Variants in UBAP2 observed in about 807,000 individuals in gnomAD.
UBAP2 encodes ubiquitin associated protein 2, also known as ubiquitin-associated protein 2.
In UBAP2, 75 loss-of-function variants were observed where a neutral mutation model predicts 139.6. The ratio of observed to expected loss-of-function variants is 0.54; its 90% CI spans 0.45 to 0.65. UBAP2 has a LOEUF of 0.65. Ranked by LOEUF, UBAP2 falls within the 30% of genes least tolerant of loss-of-function variation. The pLI is 0.00. For synonymous variants in UBAP2, 526 were observed against 526.2 expected (o/e 1.00, Z 0.01); for missense variants, 1,368 against 1,369.6 (o/e 1.00, Z 0.02).
intron 6 of UBAP2, among the ~76,000 whole-genome samples, chr9:33,974,696 A>T (rs923446991): frequency 6.6e-6 from 1 of 152,208 alleles, no homozygotes; most frequent in Non-Finnish European, 1.5e-5. Context: ...TCATGCCTGT[A>T]ATCCCAGCAC....
chr9:33,952,901 G>A lies in UBAP2; in HGVS notation c.1056+384C>T, dbSNP rs566640619. On this transcript the variant is annotated intron_variant, in intron 12 of 28. Coordinates refer to ENST00000379238, the MANE Select transcript of UBAP2 (RefSeq NM_001370062.2). ...TGTTTTGTTTTAGAGACAGGGTCTC[G>A]CTCTGTCACCCAGCCTGGAGTACAG... 2.6e-5 allele frequency: 4 copies of A among 155,312 alleles called. No individual in the cohort carries two copies. In the South Asian group the frequency reaches 6.1e-4, roughly 23 times the overall value. 9.6% of individuals were successfully genotyped at this position (155,312 alleles called of 1,614,324 possible). A position where few individuals can be genotyped will look rare whatever the true frequency, so the allele number is the denominator to read the frequency against.
intron 6 of UBAP2, among the ~76,000 whole-genome samples, chr9:33,984,902 G>A (rs1821073894): frequency 6.6e-6 from 1 of 152,140 alleles, no homozygotes; most frequent in Non-Finnish European, 1.5e-5. Flanking sequence ...CTGAACCCAG[G>A]AGTTCAAGAC....
intron 17 of UBAP2, chr9:33,934,127 A>G (rs1307896723): frequency 6.2e-6 from 1 of 161,902 alleles, no homozygotes; most frequent in African/African-American, 2.4e-5. Flanking sequence ...GTTGATGCCT[A>G]TGTTGTGGAG....
intron 5 of UBAP2, among the ~76,000 whole-genome samples, chr9:33,988,312 A>T (rs942274137): frequency 7.9e-5 from 12 of 152,218 alleles, no homozygotes; most frequent in African/African-American, 2.9e-4. Flanking sequence ...GGAATATATG[A>T]GACAGCAAGA....
intron 20 of UBAP2, 45 bp from the exon 21 acceptor site, chr9:33,927,125 AGAGT>A (rs766649962): frequency 2.9e-5 from 42 of 1,464,178 alleles, no homozygotes; most frequent in African/African-American, 1.5e-4. Context: ...GTCACCACAA[AGAGT>A]GAGAGTCCTC....
chr9:34,039,082 G>A (rs1432194275), intron 1 of UBAP2, among the ~76,000 whole-genome samples: 6 of 150,554 alleles, frequency 4.0e-5, no homozygotes, highest in Admixed American at 1.3e-4. Context: ...CCCTCCGCCC[G>A]GCAGCCACCC....
At chr9:33,996,602 C>T (rs1489236721) in intron 3 of UBAP2, 4 of 340,172 alleles carry the variant, frequency 1.2e-5, no homozygotes, top group Middle Eastern at 8.1e-4. Flanking sequence ...CACACACATA[C>T]GTACCAACAT....
chr9:34,012,938 G>C (rs1823890616), intron 2 of UBAP2, among the ~76,000 whole-genome samples: 1 of 151,458 alleles, frequency 6.6e-6, no homozygotes, highest in African/African-American at 2.4e-5. Flanking sequence ...ATCACCTGAG[G>C]TCAGGAATTC....
chr9:33,962,084 G>A (rs912156500), intron 9 of UBAP2, among the ~76,000 whole-genome samples: 1 of 152,126 alleles, frequency 6.6e-6, no homozygotes, highest in Non-Finnish European at 1.5e-5. Context: ...AGCCAGAATT[G>A]TAAGAGAAAG....
intron 1 of UBAP2, among the ~76,000 whole-genome samples, chr9:34,034,344 T>A (rs1826140527): frequency 1.3e-5 from 2 of 152,218 alleles, no homozygotes; most frequent in African/African-American, 4.8e-5. Context: ...AGTAAAAGTA[T>A]ATTGCTTTTA....
chr9:33,927,294 C>A (rs1048585325), intron 20 of UBAP2, among the ~76,000 whole-genome samples: 1 of 152,152 alleles, frequency 6.6e-6, no homozygotes, highest in African/African-American at 2.4e-5. Flanking sequence ...TCAGAGAGTT[C>A]CGGGCCCAGA....
chr9:33,993,564 C>T (rs1389394749), intron 4 of UBAP2, among the ~76,000 whole-genome samples: 2 of 152,102 alleles, frequency 1.3e-5, no homozygotes, highest in Non-Finnish European at 2.9e-5. Context: ...CCCGGCTACT[C>T]GGCAGGCTGG....
intron 1 of UBAP2, among the ~76,000 whole-genome samples, chr9:34,028,580 A>G (rs968820332): frequency 6.6e-6 from 1 of 151,694 alleles, no homozygotes; most frequent in African/African-American, 2.4e-5. Context: ...GGGGTTCACC[A>G]TGTTGGCCAG....
intron 13 of UBAP2, among the ~76,000 whole-genome samples, chr9:33,947,794 C>CA (rs1178148526): frequency 2.0e-5 from 3 of 150,516 alleles, no homozygotes; most frequent in African/African-American, 7.4e-5. Flanking sequence ...CACTGTACTC[C>CA]AGCCTGTGCA....
intron 10 of UBAP2, among the ~76,000 whole-genome samples, chr9:33,959,897 T>A (rs1332242335): frequency 6.6e-6 from 1 of 151,970 alleles, no homozygotes; most frequent in African/African-American, 2.4e-5. Flanking sequence ...AAAACACAGA[T>A]AAGCTTAAAA....
rs764075842 is a variant in UBAP2, at chr9:33,944,505, T to C, written c.1405A>G (p.Thr469Ala). The C allele has an allele frequency of 5.0e-6, 8 of 1,613,916 alleles. No individual in the cohort carries two copies. Among genetic ancestry groups the C allele is most frequent in the African/African-American group, 4.0e-5 (3 of 74,858 alleles). Residue 469 changes from threonine to alanine, a missense_variant, in exon 14 of 29, where the codon ACA (threonine) becomes GCA (alanine). Physicochemically the swap from Thr to Ala is moderately conservative, Grantham distance 58. Coordinates refer to ENST00000379238, the MANE Select transcript of UBAP2 (RefSeq NM_001370062.2). ...ACAGTGGAGGGACTGTCTCCAGGTG[T>C]TGATTCTCGAAGTTTTGCCTGGGAA... ...FPSQAKLRESTPGDSPSTVNK... is the reference protein window; with the variant it reads ...FPSQAKLRESAPGDSPSTVNK...
intron 6 of UBAP2, among the ~76,000 whole-genome samples, chr9:33,978,478 AG>A (rs1820351866): frequency 6.6e-6 from 1 of 152,160 alleles, no homozygotes; most frequent in Non-Finnish European, 1.5e-5. Context: ...TAGTTTTAAA[AG>A]TAGAGGAACT....
chr9:34,014,981 C>T (rs1824122935), intron 2 of UBAP2, among the ~76,000 whole-genome samples: 1 of 152,168 alleles, frequency 6.6e-6, no homozygotes, highest in Non-Finnish European at 1.5e-5. Context: ...GAATACTACA[C>T]TAACTTTATA....
At chr9:34,007,648 A>T (rs7026097) in intron 2 of UBAP2, among the ~76,000 whole-genome samples, 119,291 of 148,166 alleles carry the variant, frequency 0.81, 48,115 homozygotes, top group Middle Eastern at 0.87. Context: ...TTTTATTTTT[A>T]TTTTTTTTGA....
Sources: allele counts gnomAD v4.1 joint callset (sites outside exome capture counted in the v4.1 genomes callset), GRCh38; gene constraint gnomAD v4.1.1; transcripts MANE v1.5; gene names NCBI Gene and HGNC (gene_info 2026-07-23, HGNC 2026-07-21).